Variants in COLEC12 observed in about 807,000 individuals in gnomAD.
COLEC12 encodes collectin subfamily member 12.
In COLEC12, 33 loss-of-function variants were observed where a neutral mutation model predicts 71.1. The ratio of observed to expected loss-of-function variants is 0.46; its 90% CI spans 0.35 to 0.62. The LOEUF is 0.62. Among genes scored for constraint, COLEC12 ranks in the 20% least tolerant of loss-of-function variants. The pLI, the probability that COLEC12 is intolerant of heterozygous loss-of-function variation, is 0.00. For missense variants in COLEC12, 765 were observed against 916.1 expected (o/e 0.84, Z 2.13); for synonymous variants, 350 against 353.0 (o/e 0.99, Z 0.10).
intron 1 of COLEC12, among the ~76,000 whole-genome samples, chr18:491,639 A>T (rs531270797): frequency 6.6e-6 from 1 of 152,364 alleles, no homozygotes; most frequent in East Asian, 1.9e-4. Flanking sequence ...GCTTCAAAAG[A>T]CACAAAACTC....
At chr18:402,176 G>T (rs1315244593) in intron 2 of COLEC12, among the ~76,000 whole-genome samples, 2 of 151,690 alleles carry the variant, frequency 1.3e-5, no homozygotes, top group Non-Finnish European at 2.9e-5. Context: ...GTGGGACCTG[G>T]CCCAAGCAAG....
chr18:403,084 A>G (rs1441795794), intron 2 of COLEC12, among the ~76,000 whole-genome samples: 1 of 152,208 alleles, frequency 6.6e-6, no homozygotes, highest in Non-Finnish European at 1.5e-5. Context: ...TCCCAAAGTA[A>G]GAAGTGCAAA....
chr18:425,255 C>T (rs536570870), intron 2 of COLEC12, among the ~76,000 whole-genome samples: 1 of 152,200 alleles, frequency 6.6e-6, no homozygotes, highest in African/African-American at 2.4e-5. Flanking sequence ...TTGCACCAGC[C>T]TTGTTGGAGA....
At chr18:419,099 T>C (rs1370846454) in intron 2 of COLEC12, among the ~76,000 whole-genome samples, 1 of 152,268 alleles carries the variant, frequency 6.6e-6, no homozygotes, top group Non-Finnish European at 1.5e-5. Flanking sequence ...GATTGGCTAA[T>C]ATATCTTAAA....
intron 2 of COLEC12, among the ~76,000 whole-genome samples, chr18:452,927 C>A (rs754201619): frequency 7.9e-5 from 12 of 152,198 alleles, no homozygotes; most frequent in Admixed American, 2.6e-4. Flanking sequence ...CTCAGGGGTC[C>A]TCCCCCATGG....
Position 335,049 on chromosome 18 carries a change from G to T in COLEC12, c.1509C>A (p.Gly503=). ...PGERGGKGSK[G]SQGPKGSRGS... is the part of the protein sequence containing the mutation. Reference sequence around the variant, plus strand: ...CACGGGAGCCTTTGGGGCCCTGGGAGCCTTTAGATCCTTTGCCGCCACGCT... The same window carrying T: ...CACGGGAGCCTTTGGGGCCCTGGGATCCTTTAGATCCTTTGCCGCCACGCT... The change falls in exon 6 of 10, where the codon GGC becomes GGA. Residue 503 remains glycine (G), a synonymous_variant. Transcript: ENST00000400256. The T allele has an allele frequency of 6.2e-7, 1 of 1,602,560 alleles. No homozygotes were observed. Among genetic ancestry groups the T allele is most frequent in the Middle Eastern group, 1.7e-4 (1 of 5,860 alleles).
intron 2 of COLEC12, among the ~76,000 whole-genome samples, chr18:471,620 AAC>A (rs1439953077): frequency 2.0e-5 from 3 of 151,224 alleles, no homozygotes; most frequent in Non-Finnish European, 4.4e-5. Flanking sequence ...TTAAAAGTGA[AAC>A]AAATTATAAA....
At chr18:335,303 A>G in intron 5 of COLEC12, 73 bp from the exon 6 acceptor site, 1 of 1,491,418 alleles carries the variant, frequency 6.7e-7, no homozygotes, top group Non-Finnish European at 8.9e-7. Flanking sequence ...TTTTCTTCTT[A>G]TAAAATCTCC....
At position 384,013 on chromosome 18, in the gene COLEC12, G is replaced by A. The variant is rs137937846; in HGVS notation, c.59-26491C>T. On this transcript the variant is annotated intron_variant, in intron 2 of 9. Coordinates refer to ENST00000400256, the MANE Select transcript of COLEC12 (RefSeq NM_130386.3). ...CCATGAGAACAGTATCGGGGAAACC[G>A]CCCCCATGATCCAATTATCTCCCAC... 2.6e-3 allele frequency among the ~76,000 whole-genome samples: 395 copies of A among 152,204 alleles called. 3 individuals carry two copies. The highest frequency in any genetic ancestry group is 8.9e-3 in the African/African-American group (368 of 41,542).
intron 2 of COLEC12, among the ~76,000 whole-genome samples, chr18:366,934 C>A (rs1213230855): frequency 6.6e-6 from 1 of 152,228 alleles, no homozygotes; most frequent in Non-Finnish European, 1.5e-5. Flanking sequence ...AAGGCTGATG[C>A]CACAGGGAGC....
intron 5 of COLEC12, among the ~76,000 whole-genome samples, chr18:336,842 T>C (rs563871047): frequency 2.0e-5 from 3 of 152,114 alleles, no homozygotes; most frequent in Admixed American, 6.5e-5. Context: ...CTCTCTCTCT[T>C]TTTTTAGAGA....
chr18:342,329 T>C (rs1171138709), intron 5 of COLEC12, among the ~76,000 whole-genome samples: 6 of 152,262 alleles, frequency 3.9e-5, no homozygotes, highest in Admixed American at 3.9e-4. Flanking sequence ...TTGATGGATG[T>C]AGAGATACTG....
chr18:350,213 T>TC, intron 3 of COLEC12, among the ~76,000 whole-genome samples: 2 of 152,300 alleles, frequency 1.3e-5, no homozygotes, highest in Middle Eastern at 3.4e-3. Flanking sequence ...GGGGGCGGTT[T>TC]CCCCCATACT....
At chr18:481,369 C>T (rs577477073) in intron 1 of COLEC12, among the ~76,000 whole-genome samples, 4 of 152,202 alleles carry the variant, frequency 2.6e-5, no homozygotes, top group Admixed American at 2.0e-4. Context: ...CAAAAGGCAG[C>T]CTTACTGTGG....
chr18:479,548 T>A (rs576319526), intron 2 of COLEC12, among the ~76,000 whole-genome samples: 5,050 of 129,912 alleles, frequency 0.039, 113 homozygotes, highest in South Asian at 0.081. Context: ...TCTCTCTCTC[T>A]CTCACACACA....
At chr18:330,289 T>G (rs944885499) in intron 8 of COLEC12, among the ~76,000 whole-genome samples, 1 of 152,154 alleles carries the variant, frequency 6.6e-6, no homozygotes, top group African/African-American at 2.4e-5. Context: ...GATACAGGGC[T>G]AGGCCTCCAT....
chr18:480,665 A>C lies in COLEC12; in HGVS notation c.58+42T>G, dbSNP rs1598378805. 1 of 1,579,230 alleles carries C rather than the reference A, an allele frequency of 6.3e-7. No individual in the cohort carries two copies. On this transcript the variant is annotated intron_variant, in intron 2 of 9. Coordinates refer to ENST00000400256, the MANE Select transcript of COLEC12 (RefSeq NM_130386.3). This position sits in a 1 kb window ranked among gnomAD's most constrained non-coding sequence, Gnocchi z 4.1. ...CTCTGAGGGTTCGTGGCTGCATCCC[A>C]GGTTGACCACTGAGAAGGAACACAG...
rs1043731554 is a variant in COLEC12, at chr18:319,052, A to G, written c.*993T>C. On this transcript the variant is annotated 3_prime_UTR_variant, in exon 10 of 10. Coordinates refer to ENST00000400256, the MANE Select transcript of COLEC12 (RefSeq NM_130386.3). The stretch of plus-strand genomic sequence containing the variant: ...TCAGCCATGACACAGGGCCTTCCAG[A>G]TAGGCCAGATTCAGTGCCCTTCCCA... The G allele has an allele frequency of 2.0e-5, 3 of 152,060 alleles. No homozygotes were observed. Among genetic ancestry groups the G allele is most frequent in the Non-Finnish European group, 4.4e-5 (3 of 68,018 alleles). The allele number at this position is 152,060 out of a possible 1,614,324, so 9.4% of individuals were successfully genotyped here.
chr18:387,600 CACTT>C (rs1414085815), intron 2 of COLEC12, among the ~76,000 whole-genome samples: 3 of 152,132 alleles, frequency 2.0e-5, no homozygotes, highest in Non-Finnish European at 4.4e-5. Context: ...GATGATTTCT[CACTT>C]AATACTTGAG....
Sources: gnomAD v4.1 joint callset for allele counts (sites outside exome capture counted in the v4.1 genomes callset) on GRCh38, gnomAD v4.1.1 for gene constraint, Gnocchi (gnomAD v3.1) non-coding constraint, MANE v1.5 for transcripts, NCBI Gene and HGNC (gene_info 2026-07-23, HGNC 2026-07-21) for gene names.